The following RNLS variants were observed in gnomAD, a reference collection of about 807,000 sequenced individuals.
RNLS encodes renalase, FAD dependent amine oxidase, also known as renalase.
Under a neutral mutation model 39.8 loss-of-function variants are expected in RNLS, and 39 were observed. That is an observed-to-expected ratio of 0.98 (90% confidence interval 0.76 to 1.28). The LOEUF is 1.28. Among genes scored for constraint, RNLS ranks in the 50% most tolerant of loss-of-function variants. The pLI is 0.00. For synonymous variants in RNLS, 147 were observed against 150.7 expected, an observed-to-expected ratio of 0.98 and a Z score of 0.18; for missense variants, 410 against 413.3, an observed-to-expected ratio of 0.99 and a Z score of 0.07.
the RNLS span, among the ~76,000 whole-genome samples, chr10:88,266,592 G>A: frequency 2.0e-5 from 3 of 151,808 alleles, no homozygotes; most frequent in Non-Finnish European, 4.4e-5. Flanking sequence ...GTTGTGGGTG[G>A]GACTTGGTCT....
chr10:88,504,495 T>C (rs1845677288), intron 4 of RNLS, among the ~76,000 whole-genome samples: 2 of 152,064 alleles, frequency 1.3e-5, no homozygotes, highest in Non-Finnish European at 2.9e-5. Flanking sequence ...TAAATACAAA[T>C]AGAATGGAAA....
intron 4 of RNLS, among the ~76,000 whole-genome samples, chr10:88,372,267 C>G (rs567935750): frequency 7.4e-4 from 113 of 152,134 alleles, no homozygotes; most frequent in Non-Finnish European, 1.1e-3. Context: ...AATCAGGGAG[C>G]GTTTTCTAAT....
the RNLS span, among the ~76,000 whole-genome samples, chr10:88,203,454 G>GTATA: frequency 0.036 from 30 of 822 alleles, 1 homozygote; most frequent in East Asian, 0.069. Context: ...GTGTGTGTGT[G>GTATA]TGTATATATA....
At chr10:88,575,124 GTATATA>G (rs1174268534) in intron 3 of RNLS, among the ~76,000 whole-genome samples, 5,595 of 98,664 alleles carry the variant, frequency 0.057, 347 homozygotes, top group African/African-American at 0.15. Context: ...GTTCTGCAAA[GTATATA>G]TATATATATA....
the RNLS span, among the ~76,000 whole-genome samples, chr10:88,217,811 G>A: frequency 2.0e-5 from 3 of 150,748 alleles, no homozygotes; most frequent in East Asian, 1.9e-4. Flanking sequence ...AGGCCAAAGC[G>A]GGTGGATCAC....
chr10:88,376,389 T>C (rs1185750464), intron 4 of RNLS, among the ~76,000 whole-genome samples: 24 of 152,160 alleles, frequency 1.6e-4, no homozygotes, highest in Admixed American at 1.4e-3. Flanking sequence ...GGAAATTGAA[T>C]TGAATGATGA....
intron 5 of RNLS, among the ~76,000 whole-genome samples, chr10:88,336,823 G>A (rs72820004): frequency 0.051 from 7,771 of 152,256 alleles, 273 homozygotes; most frequent in South Asian, 0.1. Context: ...GGCAACTAGG[G>A]ATAATTTCCT....
At chr10:88,455,803 C>G (rs563328717) in intron 4 of RNLS, among the ~76,000 whole-genome samples, 1 of 152,182 alleles carries the variant, frequency 6.6e-6, no homozygotes, top group East Asian at 1.9e-4. Context: ...TTAGAAAAAA[C>G]TCCCAGTGAC....
At chr10:88,443,665 A>T (rs533558453) in intron 4 of RNLS, among the ~76,000 whole-genome samples, 1 of 152,346 alleles carries the variant, frequency 6.6e-6, no homozygotes, top group East Asian at 1.9e-4. Context: ...CCAGGAGATT[A>T]TATCCCGTGC....
At chr10:88,424,480 C>G (rs1236530838) in intron 4 of RNLS, among the ~76,000 whole-genome samples, 1 of 151,858 alleles carries the variant, frequency 6.6e-6, no homozygotes, top group Non-Finnish European at 1.5e-5. Flanking sequence ...AGATGCAGAC[C>G]ACAAGAAAAG....
intron 4 of RNLS, among the ~76,000 whole-genome samples, chr10:88,563,484 C>T (rs1849310383): frequency 6.6e-6 from 1 of 152,118 alleles, no homozygotes; most frequent in Non-Finnish European, 1.5e-5. Context: ...TATTCACTGG[C>T]ACTGAAAAGA....
intron 4 of RNLS, among the ~76,000 whole-genome samples, chr10:88,565,552 C>A (rs1193351918): frequency 6.6e-6 from 1 of 151,998 alleles, no homozygotes; most frequent in African/African-American, 2.4e-5. Context: ...GGGTCCAATT[C>A]TGAATTGAGT....
chr10:88,409,074 T>C (rs1350881811), intron 4 of RNLS, among the ~76,000 whole-genome samples: 1 of 152,108 alleles, frequency 6.6e-6, no homozygotes, highest in Admixed American at 6.6e-5. Context: ...TGTTTAAAAT[T>C]TTTTCACACA....
At chr10:88,375,418 G>T (rs1428364593) in intron 4 of RNLS, among the ~76,000 whole-genome samples, 1 of 152,122 alleles carries the variant, frequency 6.6e-6, no homozygotes, top group African/African-American at 2.4e-5. Flanking sequence ...AATAACCAAT[G>T]TCCAATATAA....
chr10:88,249,681 G>C, the RNLS span, among the ~76,000 whole-genome samples: 1 of 152,304 alleles, frequency 6.6e-6, no homozygotes, highest in African/African-American at 2.4e-5. Context: ...TTGACACGTG[G>C]CTTGATTCCT....
chr10:88,378,921 T>C (rs1851237016), intron 4 of RNLS, among the ~76,000 whole-genome samples: 1 of 152,220 alleles, frequency 6.6e-6, no homozygotes, highest in South Asian at 2.1e-4. Flanking sequence ...CCTGGGTCCC[T>C]ACAATAGTAT....
intron 4 of RNLS, among the ~76,000 whole-genome samples, chr10:88,527,133 A>G (rs1847151877): frequency 1.3e-5 from 2 of 152,082 alleles, no homozygotes; most frequent in Middle Eastern, 3.4e-3. Context: ...TGTGTGGGTC[A>G]CTCTCCTTCA....
intron 5 of RNLS, among the ~76,000 whole-genome samples, chr10:88,329,295 C>T (rs1846899704): frequency 6.6e-6 from 1 of 152,064 alleles, no homozygotes; most frequent in African/African-American, 2.4e-5. Flanking sequence ...TCAAACGATC[C>T]TCCTGCCTTA....
At chr10:88,301,501 A>G (rs1320062418) in intron 6 of RNLS, among the ~76,000 whole-genome samples, 1 of 152,224 alleles carries the variant, frequency 6.6e-6, no homozygotes, top group African/African-American at 2.4e-5. Context: ...CTTATGATAC[A>G]TAGGCAAGAT....
Sources: allele counts gnomAD v4.1 joint callset (sites outside exome capture counted in the v4.1 genomes callset), GRCh38; gene constraint gnomAD v4.1.1; transcripts MANE v1.5; gene names NCBI Gene and HGNC (gene_info 2026-07-23, HGNC 2026-07-21).